Variants in PLA2G4C observed in about 807,000 individuals in gnomAD.
The protein encoded by PLA2G4C is cytosolic phospholipase A2 gamma.
Under a neutral mutation model 73.8 loss-of-function variants are expected in PLA2G4C, and 64 were observed. That is an observed-to-expected ratio of 0.87 (90% confidence interval 0.71 to 1.07). The LOEUF (loss-of-function observed/expected upper bound fraction) is 1.07. PLA2G4C is among the 50% of genes least tolerant of loss of function. PLA2G4C has a pLI of 0.00. For missense variants in PLA2G4C, 622 were observed against 665.4 expected (o/e 0.93, Z 0.72); for synonymous variants, 254 against 252.1 (o/e 1.01, Z -0.07).
At position 48,067,733 on chromosome 19, in the gene PLA2G4C, A is replaced by G. The variant is rs540332967; in HGVS notation, c.1102+58T>C. 15 of 1,145,170 alleles carry G rather than the reference A, an allele frequency of 1.3e-5. No homozygotes were observed. In the African/African-American group the frequency reaches 2.3e-4, roughly 17 times the overall value. The allele number at this position is 1,145,170 out of a possible 1,614,324, so 70.9% of individuals were successfully genotyped here. A position where few individuals can be genotyped will look rare whatever the true frequency, so the allele number is the denominator to read the frequency against. On this transcript the variant is annotated intron_variant, in intron 13 of 16. Transcript: ENST00000599921. ...TGTTTCAGGCCCACCCCCTTCCCCT[A>G]CTCCAGCCCATTCACACGCAAGGAC... is the stretch of plus-strand genomic sequence containing the variant.
At chr19:48,059,826 T>C (rs1015130546) in intron 14 of PLA2G4C, among the ~76,000 whole-genome samples, 2 of 145,260 alleles carry the variant, frequency 1.4e-5, no homozygotes, top group Admixed American at 7.2e-5. Context: ...TGGAGTGCAA[T>C]GGCACAATCT....
intron 16 of PLA2G4C, among the ~76,000 whole-genome samples, chr19:48,049,757 G>C (rs1967651840): frequency 6.6e-6 from 1 of 152,184 alleles, no homozygotes; most frequent in South Asian, 2.1e-4. Flanking sequence ...AGAAGGTGGG[G>C]AGTGGACAGG....
intron 14 of PLA2G4C, among the ~76,000 whole-genome samples, chr19:48,055,860 G>A (rs1200472263): frequency 6.6e-6 from 1 of 151,932 alleles, no homozygotes; most frequent in Admixed American, 6.6e-5. Context: ...TGATCCTCAG[G>A]TGATCCGCTC....
chr19:48,098,792 C>CTTGGG (rs2031749130), intron 5 of PLA2G4C, among the ~76,000 whole-genome samples: 1 of 132,810 alleles, frequency 7.5e-6, no homozygotes, highest in African/African-American at 2.8e-5. Flanking sequence ...GTCCCAGCTA[C>CTTGGG]TTGGGAGGCT....
chr19:48,062,626 A>G (rs531720415), intron 13 of PLA2G4C, among the ~76,000 whole-genome samples: 6 of 152,244 alleles, frequency 3.9e-5, no homozygotes, highest in African/African-American at 1.4e-4. Flanking sequence ...ATAAACAAAT[A>G]AACAGACAAA....
chr19:48,050,685 T>TTTTTTTTTTTTTC lies in PLA2G4C; in HGVS notation c.1581-2298_1581-2297insGAAAAAAAAAAAA, dbSNP rs1967693589. Among the ~76,000 whole-genome samples the TTTTTTTTTTTTTC allele has an allele frequency of 1.5e-5, 2 of 136,382 alleles. 1 individual carries two copies. The highest frequency in any genetic ancestry group is 3.2e-5 in the Non-Finnish European group (2 of 62,632). The allele number at this position is 136,382 out of a possible 152,430, so 89.5% of individuals were successfully genotyped here. Reference sequence around the variant, plus strand: ...TGTGAGTATGTGACTTTTTTTTTTTTTTTTTTTGAGACAGGGTCTCGCTCT... The same window carrying TTTTTTTTTTTTTC: ...TGTGAGTATGTGACTTTTTTTTTTTTTTTTTTTTTTTTCTTTTTTTGAGACAGGGTCTCGCTCT... On this transcript the variant is annotated intron_variant, in intron 16 of 16. Coordinates refer to ENST00000599921, the MANE Select transcript of PLA2G4C (RefSeq NM_003706.3).
intron 1 of PLA2G4C, among the ~76,000 whole-genome samples, chr19:48,108,568 A>G (rs1281383649): frequency 6.6e-6 from 1 of 152,208 alleles, no homozygotes; most frequent in Non-Finnish European, 1.5e-5. Context: ...ATGGCAGGTC[A>G]TTCTTCAACC....
chr19:48,050,673 C>CTTTTTTT lies in PLA2G4C; in HGVS notation c.1581-2292_1581-2286dup, dbSNP rs5828330. ...ATCCCTAGAGCCTGTGAGTATGTGA[C>CTTTTTTT]TTTTTTTTTTTTTTTTTTTGAGACA... On this transcript the variant is annotated intron_variant, in intron 16 of 16. Transcript: ENST00000599921. Among the ~76,000 whole-genome samples the CTTTTTTT allele has an allele frequency of 6.5e-4, 51 of 78,740 alleles. 6 individuals are homozygous for CTTTTTTT. Among genetic ancestry groups the CTTTTTTT allele is most frequent in the African/African-American group, 1.8e-3 (42 of 23,130 alleles). The allele number at this position is 78,740 out of a possible 152,430, so 51.7% of individuals were successfully genotyped here.
At chr19:48,074,626 G>C (rs1348034591) in intron 12 of PLA2G4C, 141 bp downstream of exon 12, 2 of 685,394 alleles carry the variant, frequency 2.9e-6, no homozygotes, top group South Asian at 1.7e-5. Flanking sequence ...ATGTGGAAGG[G>C]AACAAATATC....
Position 48,083,224 on chromosome 19 carries a change from A to T in PLA2G4C, c.844+1835T>A, listed in dbSNP as rs2030722152. Among the ~76,000 whole-genome samples, 5 of 152,278 alleles carry T rather than the reference A, an allele frequency of 3.3e-5. No homozygotes were observed. In the South Asian group the frequency reaches 1.0e-3, roughly 32 times the overall value. On this transcript the variant is annotated intron_variant, in intron 10 of 16. Transcript: ENST00000599921. The stretch of plus-strand genomic sequence containing the variant: ...CTAAGTACTTTACATACATGAGGTC[A>T]TTTAAACCCCACATCAAATAGTACA...
rs1397012201 is a variant in PLA2G4C at position 48,047,931 on chromosome 19, A to G, written c.*412T>C. 5.2e-6 allele frequency: 1 copy of G among 191,540 alleles called. No homozygotes were observed. Among genetic ancestry groups the G allele is most frequent in the Non-Finnish European group, 1.1e-5 (1 of 94,870 alleles). The allele number at this position is 191,540 out of a possible 1,614,324, so 11.9% of individuals were successfully genotyped here. ...GCTGTGGAGAGATAGCCCATGATTT[A>G]AGCCCAAGTTCTTACTTCTACAGAG... On this transcript the variant is annotated 3_prime_UTR_variant, in exon 17 of 17. Transcript: ENST00000599921.
intron 13 of PLA2G4C, 64 bp from the exon 14 acceptor site, chr19:48,062,216 G>A: frequency 7.3e-7 from 1 of 1,362,180 alleles, no homozygotes; most frequent in African/African-American, 1.5e-5. Flanking sequence ...ACTTGGAAAT[G>A]GAAGGCAGAG....
chr19:48,092,915 TTTATG>T (rs1219708170), intron 7 of PLA2G4C, among the ~76,000 whole-genome samples: 2 of 152,210 alleles, frequency 1.3e-5, no homozygotes, highest in African/African-American at 4.8e-5. Context: ...AATGGCAAAT[TTTATG>T]TTATGTTTAT....
chr19:48,067,450 G>A (rs1364467255), intron 13 of PLA2G4C, among the ~76,000 whole-genome samples: 2 of 152,166 alleles, frequency 1.3e-5, no homozygotes, highest in African/African-American at 2.4e-5. Context: ...TTACAGGCAT[G>A]AGCCACTGCG....
chr19:48,066,754 CA>C (rs935403220), intron 13 of PLA2G4C, among the ~76,000 whole-genome samples: 5 of 151,886 alleles, frequency 3.3e-5, no homozygotes, highest in Non-Finnish European at 7.4e-5. Context: ...CGCTTGAGCC[CA>C]GGGGTTCAAG....
intron 13 of PLA2G4C, 70 bp downstream of exon 13, chr19:48,067,720 AC>A: frequency 9.7e-7 from 1 of 1,034,214 alleles, no homozygotes. Flanking sequence ...TTTCAGGCCC[AC>A]CCCCTTCCCC....
At chr19:48,071,943 C>T (rs1968676086) in intron 12 of PLA2G4C, among the ~76,000 whole-genome samples, 1 of 151,592 alleles carries the variant, frequency 6.6e-6, no homozygotes, top group African/African-American at 2.4e-5. Flanking sequence ...GTCAGGAGTT[C>T]AAGACCAGCC....
Position 48,067,840 on chromosome 19 carries a change from G to T in PLA2G4C, c.1053C>A (p.Cys351Ter), listed in dbSNP as rs531073017. ...TGGTCCCCCATTCCCACTTTGAAGCGCAAATGCCTGTTTTCTTCACAAAAT... is the reference window on the plus strand; with the variant it reads ...TGGTCCCCCATTCCCACTTTGAAGCTCAAATGCCTGTTTTCTTCACAAAAT... Reference protein sequence around the residue: ...LMDFVKKTGICASKWEWGTTH... With the variant: ...LMDFVKKTGI The change falls in exon 13 of 17, where the codon TGC becomes TGA. Residue 351 changes from cysteine to a stop codon, truncating the protein, a stop_gained. Transcript: ENST00000599921. LOFTEE classifies it high-confidence loss of function. The T allele has an allele frequency of 6.8e-6, 11 of 1,613,552 alleles. No individual in the cohort carries two copies. Among genetic ancestry groups the T allele is most frequent in the Middle Eastern group, 3.3e-4 (2 of 6,082 alleles).
Position 48,072,269 on chromosome 19 carries a change from A to G in PLA2G4C, c.1006+2498T>C, listed in dbSNP as rs1364304571. ...CATTCATAGCTCACTGCAGCCTCCA[A>G]CTCCTGGGCTTAAGGAATCCTCCCA... On this transcript the variant is annotated intron_variant, in intron 12 of 16. Coordinates refer to ENST00000599921, the MANE Select transcript of PLA2G4C (RefSeq NM_003706.3). This position sits in a 1 kb window ranked among gnomAD's most constrained non-coding sequence, Gnocchi z 4.4. The G allele has an allele frequency of 2.6e-5, 4 of 152,132 alleles. No homozygotes were observed. Among genetic ancestry groups the G allele is most frequent in the African/African-American group, 7.2e-5 (3 of 41,402 alleles). The allele number at this position is 152,132 out of a possible 1,614,324, so 9.4% of individuals were successfully genotyped here. A position where few individuals can be genotyped will look rare whatever the true frequency, so the allele number is the denominator to read the frequency against.
Sources: gnomAD v4.1 joint callset for allele counts (sites outside exome capture counted in the v4.1 genomes callset) on GRCh38, gnomAD v4.1.1 for gene constraint, Gnocchi (gnomAD v3.1) non-coding constraint, MANE v1.5 for transcripts, NCBI Gene and HGNC (gene_info 2026-07-23, HGNC 2026-07-21) for gene names.